Variants in NKAIN1 observed in about 807,000 individuals in gnomAD.
NKAIN1 encodes the protein sodium/potassium-transporting ATPase subunit beta-1-interacting protein 1.
A neutral mutation model predicts 31.6 loss-of-function variants in NKAIN1; 13 were observed. The ratio of observed to expected loss-of-function variants is 0.41; its 90% CI spans 0.27 to 0.65. NKAIN1 has a LOEUF of 0.65. Among genes scored for constraint, NKAIN1 ranks in the 30% least tolerant of loss-of-function variants. The pLI, the probability that NKAIN1 is intolerant of heterozygous loss-of-function variation, is 0.30. For synonymous variants in NKAIN1, 104 were observed against 109.0 expected (o/e 0.95, Z 0.28); for missense variants, 193 against 262.2 (o/e 0.74, Z 1.82).
intron 5 of NKAIN1, 54 bp from the exon 6 acceptor site, chr1:31,181,995 G>C: frequency 6.5e-7 from 1 of 1,527,108 alleles, no homozygotes; most frequent in Non-Finnish European, 8.9e-7. Flanking sequence ...CGAGGAGAGG[G>C]AGACTGGGTC....
rs1249953531 is a variant in NKAIN1, at chr1:31,218,873, G to A, written c.54+20621C>T. Among the ~76,000 whole-genome samples the A allele has an allele frequency of 3.3e-5, 5 of 152,212 alleles. No individual in the cohort carries two copies. The South Asian group carries it at 6.2e-4, about 19-fold the overall frequency. ...GCCTGTCTTGAGGATGACAGCTAGCGGCAGCCTGGGGACGGCAGTGCGCTC... is the reference window on the plus strand; with the variant it reads ...GCCTGTCTTGAGGATGACAGCTAGCAGCAGCCTGGGGACGGCAGTGCGCTC... On this transcript the variant is annotated intron_variant, in intron 1 of 6. Transcript: ENST00000373736.
chr1:31,220,068 C>T (rs1311941093), intron 1 of NKAIN1, among the ~76,000 whole-genome samples: 6 of 141,420 alleles, frequency 4.2e-5, no homozygotes, highest in Non-Finnish European at 9.0e-5. Context: ...AGTGCAATGG[C>T]GTGATCTCGG....
chr1:31,194,899 G>T (rs1247007327), intron 1 of NKAIN1, among the ~76,000 whole-genome samples: 2 of 149,166 alleles, frequency 1.3e-5, no homozygotes, highest in Non-Finnish European at 3.0e-5. Context: ...AGCCTCCTAA[G>T]TAGTTGGGAT....
chr1:31,236,696 GT>G (rs775655744), intron 1 of NKAIN1, among the ~76,000 whole-genome samples: 49 of 152,208 alleles, frequency 3.2e-4, no homozygotes, highest in South Asian at 8.3e-4. Flanking sequence ...CAGCCGGGAT[GT>G]GGGAGAAACC....
chr1:31,238,562 T>A (rs875787), intron 1 of NKAIN1, among the ~76,000 whole-genome samples: 10 of 152,022 alleles, frequency 6.6e-5, no homozygotes, highest in Non-Finnish European at 1.3e-4. Flanking sequence ...TGAAGGGCAG[T>A]GCTGTTTCTT....
intron 1 of NKAIN1, among the ~76,000 whole-genome samples, chr1:31,191,411 T>TG (rs929970703): frequency 3.0e-4 from 45 of 151,632 alleles, no homozygotes; most frequent in Non-Finnish European, 5.9e-4. Flanking sequence ...TTTTTTTTTT[T>TG]TTTTTTTTTT....
intron 1 of NKAIN1, among the ~76,000 whole-genome samples, chr1:31,199,046 C>G (rs928682105): frequency 6.6e-5 from 10 of 152,194 alleles, no homozygotes; most frequent in Non-Finnish European, 1.2e-4. Flanking sequence ...CTTTCCTGGC[C>G]AAAATTCCAG....
chr1:31,231,722 G>A lies in NKAIN1; in HGVS notation c.54+7772C>T, dbSNP rs1194258519. On this transcript the variant is annotated intron_variant, in intron 1 of 6. Coordinates refer to ENST00000373736, the MANE Select transcript of NKAIN1 (RefSeq NM_024522.3). ...ATTTTTTGTATTTTTAGTAGAGACAGGGTTTCACAGTGTTAGCCAGGATGG... is the reference window on the plus strand; with the variant it reads ...ATTTTTTGTATTTTTAGTAGAGACAAGGTTTCACAGTGTTAGCCAGGATGG... Among the ~76,000 whole-genome samples, 5 of 151,416 alleles carry A rather than the reference G, an allele frequency of 3.3e-5. No individual in the cohort carries two copies. The East Asian group carries it at 9.7e-4, about 29-fold the overall frequency.
chr1:31,180,449 A>C lies in NKAIN1; in HGVS notation c.*1254T>G, dbSNP rs1401360124. On this transcript the variant is annotated 3_prime_UTR_variant, in exon 7 of 7. Coordinates refer to ENST00000373736, the MANE Select transcript of NKAIN1 (RefSeq NM_024522.3). ...GGGTGCTGGCAATCCCGACTCCCCG[A>C]CTACTCACACCCCCATCTGCCCCTT... 1 of 152,232 alleles carries C rather than the reference A, an allele frequency of 6.6e-6. No homozygotes were observed. Among genetic ancestry groups the C allele is most frequent in the African/African-American group, 2.4e-5 (1 of 41,412 alleles). 9.4% of individuals were successfully genotyped at this position (152,232 alleles called of 1,614,324 possible).
Position 31,225,033 on chromosome 1 carries a change from C to CTTTTCTTTTTTTTTTTTTTTTTT in NKAIN1, c.54+14460_54+14461insAAAAAAAAAAAAAAAAAAGAAAA, listed in dbSNP as rs542671307. Among the ~76,000 whole-genome samples, 236 of 112,052 alleles carry CTTTTCTTTTTTTTTTTTTTTTTT rather than the reference C, an allele frequency of 2.1e-3. 17 individuals are homozygous for CTTTTCTTTTTTTTTTTTTTTTTT. Among genetic ancestry groups the CTTTTCTTTTTTTTTTTTTTTTTT allele is most frequent in the African/African-American group, 5.9e-3 (141 of 23,860 alleles). The allele number at this position is 112,052 out of a possible 152,430, so 73.5% of individuals were successfully genotyped here. A position where few individuals can be genotyped will look rare whatever the true frequency, so the allele number is the denominator to read the frequency against. On this transcript the variant is annotated intron_variant, in intron 1 of 6. Coordinates refer to ENST00000373736, the MANE Select transcript of NKAIN1 (RefSeq NM_024522.3). Reference sequence around the variant, plus strand: ...AGCCCATTTCTTTTTCTTTTCTTTTCTTTTTTTTTTTTTGAGACGGACTCT... The same window carrying CTTTTCTTTTTTTTTTTTTTTTTT: ...AGCCCATTTCTTTTTCTTTTCTTTTCTTTTCTTTTTTTTTTTTTTTTTTTTTTTTTTTTTTTGAGACGGACTCT...
At chr1:31,218,074 T>TCTTTCTTTCTTTCTTTCTTTCTCTTTC (rs1570472285) in intron 1 of NKAIN1, among the ~76,000 whole-genome samples, 1 of 148,280 alleles carries the variant, frequency 6.7e-6, no homozygotes, top group African/African-American at 2.6e-5. Context: ...CTTTCTTTTT[T>TCTTTCTTTCTTTCTTTCTTTCTCTTTC]TTTTTTGAGA....
intron 3 of NKAIN1, 129 bp from the exon 4 acceptor site, chr1:31,184,143 A>G (rs1645224970): frequency 1.4e-6 from 1 of 734,438 alleles, no homozygotes; most frequent in East Asian, 2.8e-5. Flanking sequence ...TCCATATTTG[A>G]CCAACAGGTG....
chr1:31,202,975 TAA>T (rs34702847), intron 1 of NKAIN1, among the ~76,000 whole-genome samples: 2 of 104,700 alleles, frequency 1.9e-5, no homozygotes, highest in Admixed American at 1.2e-4. Context: ...GATTCCGTCT[TAA>T]AAAAAAAAAA....
intron 1 of NKAIN1, among the ~76,000 whole-genome samples, chr1:31,229,391 G>A (rs563775356): frequency 6.6e-6 from 1 of 152,068 alleles, no homozygotes; most frequent in African/African-American, 2.4e-5. Context: ...GGCATCTGGG[G>A]TGGGAGCAGT....
intron 1 of NKAIN1, among the ~76,000 whole-genome samples, chr1:31,223,090 T>C (rs1645575955): frequency 6.6e-6 from 1 of 152,018 alleles, no homozygotes. Context: ...AAATGCTCCA[T>C]AAACGGCCAG....
At chr1:31,235,230 C>A (rs1027512462) in intron 1 of NKAIN1, among the ~76,000 whole-genome samples, 3 of 151,994 alleles carry the variant, frequency 2.0e-5, no homozygotes, top group African/African-American at 7.3e-5. Context: ...AACAGAGTGG[C>A]CTGTAAGGTT....
intron 1 of NKAIN1, among the ~76,000 whole-genome samples, chr1:31,207,794 C>T (rs1570465020): frequency 6.6e-6 from 1 of 152,180 alleles, no homozygotes; most frequent in African/African-American, 2.4e-5. Flanking sequence ...GGGACTTGCA[C>T]TGAGCCCGCC....
chr1:31,212,833 T>C (rs1645481047), intron 1 of NKAIN1, among the ~76,000 whole-genome samples: 1 of 151,912 alleles, frequency 6.6e-6, no homozygotes, highest in Admixed American at 6.6e-5. Flanking sequence ...CTGTCTCTAC[T>C]AAAAATACAA....
At chr1:31,197,258 C>G (rs1198519952) in intron 1 of NKAIN1, among the ~76,000 whole-genome samples, 1 of 151,788 alleles carries the variant, frequency 6.6e-6, no homozygotes, top group East Asian at 2.0e-4. Flanking sequence ...ACTACAGGCA[C>G]CCACCAGCAC....
Sources: allele counts gnomAD v4.1 joint callset (sites outside exome capture counted in the v4.1 genomes callset), GRCh38; gene constraint gnomAD v4.1.1; transcripts MANE v1.5; gene names NCBI Gene and HGNC (gene_info 2026-07-23, HGNC 2026-07-21).